The following LRFN2 variants were observed in gnomAD, a reference collection of about 807,000 sequenced individuals.
The protein encoded by LRFN2 is leucine-rich repeat and fibronectin type-III domain-containing protein 2.
A neutral mutation model predicts 37.3 loss-of-function variants in LRFN2; 18 were observed. That is an observed-to-expected ratio of 0.48 (90% CI 0.33 to 0.72). The LOEUF is 0.72. LRFN2 is among the 30% of genes least tolerant of loss of function. The pLI, the probability that LRFN2 is intolerant of heterozygous loss-of-function variation, is 0.02. For missense variants in LRFN2, 1,006 were observed against 1,060.7 expected, an observed-to-expected ratio of 0.95 and a Z score of 0.72; for synonymous variants, 556 against 466.6, an observed-to-expected ratio of 1.19 and a Z score of -2.47.
At chr6:40,469,011 T>TA (rs963768687) in intron 1 of LRFN2, among the ~76,000 whole-genome samples, 7 of 151,998 alleles carry the variant, frequency 4.6e-5, no homozygotes, top group African/African-American at 1.7e-4. Flanking sequence ...TGTCCTTATC[T>TA]AAAAAAAGGG....
rs116628997 is a variant in LRFN2 at position 40,405,551 on chromosome 6, C to A, written c.1401-12639G>T. Among the ~76,000 whole-genome samples, 1,290 of 152,238 alleles carry A rather than the reference C, an allele frequency of 8.5e-3. 17 individuals are homozygous for A. Among genetic ancestry groups the A allele is most frequent in the African/African-American group, 0.03 (1,235 of 41,530 alleles). On this transcript the variant is annotated intron_variant, in intron 2 of 2. Coordinates refer to ENST00000338305, the MANE Select transcript of LRFN2 (RefSeq NM_020737.3). Reference sequence around the variant, plus strand: ...CATAAAGGAGTGGGCCATGCTTAACCCATGTAACCCCAAGGAAATGCCTCT... The same window carrying A: ...CATAAAGGAGTGGGCCATGCTTAACACATGTAACCCCAAGGAAATGCCTCT...
chr6:40,470,846 G>T (rs1421780228), intron 1 of LRFN2, among the ~76,000 whole-genome samples: 1 of 152,206 alleles, frequency 6.6e-6, no homozygotes, highest in Non-Finnish European at 1.5e-5. Flanking sequence ...CCAGGGGTGG[G>T]GATGGAGCAT....
At chr6:40,554,319 G>A (rs1431962062) in intron 1 of LRFN2, among the ~76,000 whole-genome samples, 1 of 152,130 alleles carries the variant, frequency 6.6e-6, no homozygotes, top group Non-Finnish European at 1.5e-5. Context: ...GCCCTCCTTA[G>A]GGGCTTCTCT....
chr6:40,583,202 A>ACTATATACATATATAG (rs1561916231), intron 1 of LRFN2, among the ~76,000 whole-genome samples: 2 of 144,754 alleles, frequency 1.4e-5, no homozygotes, highest in African/African-American at 5.3e-5. Flanking sequence ...ATATATAGAC[A>ACTATATACATATATAG]TATATATACA....
At chr6:40,412,640 T>C (rs535087330) in intron 2 of LRFN2, among the ~76,000 whole-genome samples, 2 of 152,326 alleles carry the variant, frequency 1.3e-5, no homozygotes, top group Admixed American at 1.3e-4. Context: ...TTAAGCCATT[T>C]CTTAAGTAAT....
chr6:40,443,510 A>G (rs1483665484), intron 1 of LRFN2, among the ~76,000 whole-genome samples: 1 of 152,150 alleles, frequency 6.6e-6, no homozygotes, highest in Non-Finnish European at 1.5e-5. Context: ...TCTTATCCCC[A>G]TGCACATACT....
chr6:40,393,185 A>G (rs1762550394), intron 2 of LRFN2, among the ~76,000 whole-genome samples: 1 of 151,466 alleles, frequency 6.6e-6, no homozygotes, highest in Non-Finnish European at 1.5e-5. Flanking sequence ...CATAGGGAAT[A>G]GAGAAGAAAG....
intron 1 of LRFN2, among the ~76,000 whole-genome samples, chr6:40,506,886 C>A (rs1765557088): frequency 6.6e-6 from 1 of 151,930 alleles, no homozygotes; most frequent in Non-Finnish European, 1.5e-5. Context: ...TCCTCAGATG[C>A]CAAATGGGAC....
intron 1 of LRFN2, among the ~76,000 whole-genome samples, chr6:40,573,595 C>T (rs190388238): frequency 6.6e-6 from 1 of 152,228 alleles, no homozygotes; most frequent in South Asian, 2.1e-4. Flanking sequence ...CAACTGGATT[C>T]AAATCCTGGC....
chr6:40,395,113 C>A (rs1026868406), intron 2 of LRFN2, among the ~76,000 whole-genome samples: 1 of 152,080 alleles, frequency 6.6e-6, no homozygotes, highest in Admixed American at 6.5e-5. Context: ...CTGCAGCCAG[C>A]CCCACAGGTC....
chr6:40,568,829 C>A (rs983101625), intron 1 of LRFN2, among the ~76,000 whole-genome samples: 1 of 152,094 alleles, frequency 6.6e-6, no homozygotes, highest in Admixed American at 6.5e-5. Flanking sequence ...TCAAGTGATT[C>A]TCCTACCTCA....
chr6:40,392,561 T>A lies in LRFN2; in HGVS notation c.1752A>T (p.Pro584=). 6.2e-7 allele frequency: 1 copy of A among 1,600,662 alleles called. No homozygotes were observed. The highest frequency in any genetic ancestry group is 2.3e-5 in the East Asian group (1 of 44,440). The change falls in exon 3 of 3, where the codon CCA becomes CCT. Residue 584 remains proline (P), a synonymous_variant. Coordinates refer to ENST00000338305, the MANE Select transcript of LRFN2 (RefSeq NM_020737.3). This position sits in a 1 kb window ranked among gnomAD's most constrained non-coding sequence, Gnocchi z 4.7. ...NVYSQTNGAQ[P]PPPSSAPAGA... ...CGGCTGGTGCGCTGCTTGGAGGCGG[T>A]GGCTGGGCGCCGTTGGTCTGCGAGT...
rs368437695 is a variant in LRFN2 at position 40,493,360 on chromosome 6, C to T, written c.-18-60229G>A. On this transcript the variant is annotated intron_variant, in intron 1 of 2. Transcript: ENST00000338305. ...CTGAGGAAATGGCACTTGTCTAATG[C>T]TTACCAGCTGCTTCCCAAGGGCAGA... Among the ~76,000 whole-genome samples the T allele has an allele frequency of 5.9e-5, 9 of 152,302 alleles. No individual in the cohort carries two copies. In the South Asian group the frequency reaches 1.9e-3, roughly 32 times the overall value.
At chr6:40,434,040 C>T (rs1048651454) in intron 1 of LRFN2, among the ~76,000 whole-genome samples, 3 of 152,182 alleles carry the variant, frequency 2.0e-5, no homozygotes, top group Non-Finnish European at 2.9e-5. Flanking sequence ...ATCCCTGCCC[C>T]GCCCCGCTGC....
At chr6:40,490,220 A>C (rs1765057079) in intron 1 of LRFN2, among the ~76,000 whole-genome samples, 1 of 152,226 alleles carries the variant, frequency 6.6e-6, no homozygotes, top group African/African-American at 2.4e-5. Context: ...TTGGAGTACA[A>C]GTGGGGAGAT....
intron 2 of LRFN2, among the ~76,000 whole-genome samples, chr6:40,431,029 T>A (rs1763465560): frequency 6.6e-6 from 1 of 152,036 alleles, no homozygotes; most frequent in Non-Finnish European, 1.5e-5. Flanking sequence ...GGACCTTTGA[T>A]CCAGCTGAAC....
intron 1 of LRFN2, among the ~76,000 whole-genome samples, chr6:40,468,336 A>T (rs1348306500): frequency 6.6e-6 from 1 of 152,140 alleles, no homozygotes; most frequent in African/African-American, 2.4e-5. Context: ...CATCTCTGCG[A>T]TCTGTGTCCA....
chr6:40,406,045 C>T (rs957093661), intron 2 of LRFN2, among the ~76,000 whole-genome samples: 1 of 152,044 alleles, frequency 6.6e-6, no homozygotes, highest in Admixed American at 6.5e-5. Flanking sequence ...CCATGGGGCT[C>T]CTTCATGGAG....
At chr6:40,504,323 C>A (rs1027326355) in intron 1 of LRFN2, among the ~76,000 whole-genome samples, 1 of 152,194 alleles carries the variant, frequency 6.6e-6, no homozygotes, top group African/African-American at 2.4e-5. Context: ...TGATGAGGAA[C>A]TTTAGTTTCC....
Sources: allele counts gnomAD v4.1 joint callset (sites outside exome capture counted in the v4.1 genomes callset), GRCh38; gene constraint gnomAD v4.1.1; non-coding constraint Gnocchi (gnomAD v3.1); transcripts MANE v1.5; gene names NCBI Gene and HGNC (gene_info 2026-07-23, HGNC 2026-07-21).